The following COG5 variants were observed in gnomAD, a reference collection of about 807,000 sequenced individuals.
COG5 encodes the protein component of oligomeric golgi complex 5, also known as conserved oligomeric Golgi complex subunit 5.
In COG5, 86 loss-of-function variants were observed where a neutral mutation model predicts 110.4. The ratio of observed to expected loss-of-function variants is 0.78; its 90% confidence interval spans 0.65 to 0.93. The LOEUF is 0.93. Among genes scored for constraint, COG5 ranks in the 40% least tolerant of loss-of-function variants. The probability of loss-of-function intolerance (pLI) is 0.00; values close to 1 mark genes in which losing one functional copy is unlikely to be tolerated. For missense variants in COG5, 1,077 were observed against 987.0 expected (o/e 1.09, Z -1.22); for synonymous variants, 360 against 334.6 (o/e 1.08, Z -0.83).
intron 10 of COG5, among the ~76,000 whole-genome samples, chr7:107,344,270 A>G (rs1811412329): frequency 1.3e-5 from 2 of 152,224 alleles, no homozygotes; most frequent in Non-Finnish European, 2.9e-5. Context: ...TAGTTTCTAC[A>G]TTAGCACTTG....
intron 21 of COG5, chr7:107,208,181 T>G (rs992518796): frequency 2.0e-6 from 2 of 985,268 alleles, no homozygotes; most frequent in African/African-American, 3.5e-5. Context: ...TTTGAAACCC[T>G]GAAGGACAGC....
At chr7:107,228,262 G>A (rs796895356) in intron 19 of COG5, among the ~76,000 whole-genome samples, 32 of 141,152 alleles carry the variant, frequency 2.3e-4, no homozygotes, top group Admixed American at 6.8e-4. Flanking sequence ...GATGGAGATC[G>A]CACCACTGCA....
At chr7:107,473,910 A>C in intron 6 of COG5, 1 of 513,496 alleles carries the variant, frequency 1.9e-6, no homozygotes, top group Non-Finnish European at 3.4e-6. Context: ...ATTTTCTATT[A>C]ATAGTTTACA....
intron 7 of COG5, among the ~76,000 whole-genome samples, chr7:107,390,605 C>A (rs2129056486): frequency 6.6e-6 from 1 of 151,802 alleles, no homozygotes; most frequent in Middle Eastern, 3.4e-3. Context: ...ATTTTAGAAT[C>A]TGTTCACACT....
intron 14 of COG5, among the ~76,000 whole-genome samples, chr7:107,265,935 G>T (rs1432337443): frequency 6.6e-6 from 1 of 151,988 alleles, no homozygotes; most frequent in African/African-American, 2.4e-5. Flanking sequence ...CTTGCCTATG[G>T]TCCCAGGTCC....
chr7:107,259,905 TATA>T (rs1344978406), intron 14 of COG5, among the ~76,000 whole-genome samples: 1 of 151,944 alleles, frequency 6.6e-6, no homozygotes, highest in African/African-American at 2.4e-5. Flanking sequence ...AATAGGATGC[TATA>T]ATGAGGAAGA....
Position 107,367,464 on chromosome 7 carries a change from A to C in COG5, c.836-5044T>G, listed in dbSNP as rs76200608. Among the ~76,000 whole-genome samples, 1,234 of 152,098 alleles carry C rather than the reference A, an allele frequency of 8.1e-3. 16 individuals carry two copies. Among genetic ancestry groups the C allele is most frequent in the African/African-American group, 0.026 (1,069 of 41,510 alleles). ...GTAGTCATATATCAAAAAGACACCT[A>C]CATGTGTATGTATATCACAATGTAA... On this transcript the variant is annotated intron_variant, in intron 8 of 21. Coordinates refer to ENST00000297135, the MANE Select transcript of COG5 (RefSeq NM_006348.5).
At chr7:107,420,361 T>C (rs945235293) in intron 6 of COG5, among the ~76,000 whole-genome samples, 2 of 152,218 alleles carry the variant, frequency 1.3e-5, no homozygotes, top group African/African-American at 4.8e-5. Context: ...CATAATAGGG[T>C]ATTATTCTTT....
chr7:107,364,294 A>C (rs1338542807), intron 8 of COG5, among the ~76,000 whole-genome samples: 2 of 152,194 alleles, frequency 1.3e-5, no homozygotes, highest in Non-Finnish European at 2.9e-5. Context: ...ACAACAACAA[A>C]AAAGCCAGTG....
chr7:107,295,860 C>T (rs1412062301), intron 12 of COG5, among the ~76,000 whole-genome samples: 11 of 152,136 alleles, frequency 7.2e-5, no homozygotes, highest in African/African-American at 1.9e-4. Context: ...GGCACGATCT[C>T]GGCTCATTGC....
At chr7:107,511,950 G>A (rs1247414088) in intron 6 of COG5, among the ~76,000 whole-genome samples, 3 of 152,196 alleles carry the variant, frequency 2.0e-5, no homozygotes, top group Admixed American at 6.5e-5. Context: ...TACAGAATGG[G>A]CAAAAACTGG....
chr7:107,208,348 C>T (rs1433265637), intron 21 of COG5: 7 of 985,244 alleles, frequency 7.1e-6, no homozygotes, highest in Non-Finnish European at 6.0e-6. Context: ...ACTCAGGAGA[C>T]ATTTTTAAAG....
chr7:107,516,647 G>C (rs764732299), intron 6 of COG5, among the ~76,000 whole-genome samples: 10 of 152,184 alleles, frequency 6.6e-5, no homozygotes, highest in Non-Finnish European at 1.2e-4. Flanking sequence ...CCTCTGGGAC[G>C]AAGCTTCCAG....
chr7:107,398,443 G>A (rs192071958), intron 7 of COG5, among the ~76,000 whole-genome samples: 182 of 152,298 alleles, frequency 1.2e-3, no homozygotes, highest in Middle Eastern at 3.4e-3. Flanking sequence ...CAGCAGCAGC[G>A]TTCGATTCTC....
At chr7:107,475,939 C>A in intron 6 of COG5, among the ~76,000 whole-genome samples, 1 of 150,774 alleles carries the variant, frequency 6.6e-6, no homozygotes, top group Non-Finnish European at 1.5e-5. Flanking sequence ...TAGAATTTAT[C>A]AAAATTTTAA....
intron 6 of COG5, among the ~76,000 whole-genome samples, chr7:107,427,002 A>G (rs954496357): frequency 1.3e-5 from 2 of 152,220 alleles, no homozygotes; most frequent in Admixed American, 6.5e-5. Flanking sequence ...CCAGAAAAAT[A>G]TCCGAGTAAT....
In COG5 at chr7:107,240,792, A is replaced by G. The variant is rs575592089; in HGVS notation, c.1854-4105T>C. On this transcript the variant is annotated intron_variant, in intron 17 of 21. Transcript: ENST00000297135. ...AGAATTACTAATCACAAGATTCTAC[A>G]AAGTAGGAAAATTACTGCCATGGGG... 2.0e-5 allele frequency among the ~76,000 whole-genome samples: 3 copies of G among 152,324 alleles called. No homozygotes were observed. In the South Asian group the frequency reaches 6.2e-4, roughly 32 times the overall value.
chr7:107,499,711 T>C (rs1181402086), intron 6 of COG5, among the ~76,000 whole-genome samples: 3 of 152,118 alleles, frequency 2.0e-5, no homozygotes, highest in Non-Finnish European at 4.4e-5. Flanking sequence ...CCTGAAATTT[T>C]TAAAATGAGA....
chr7:107,550,743 T>C (rs1802823499), intron 3 of COG5, among the ~76,000 whole-genome samples: 1 of 152,206 alleles, frequency 6.6e-6, no homozygotes, highest in Admixed American at 6.5e-5. Flanking sequence ...TCTCACTCTA[T>C]TGCCCAGGCT....
Sources: allele counts gnomAD v4.1 joint callset (sites outside exome capture counted in the v4.1 genomes callset), GRCh38; gene constraint gnomAD v4.1.1; transcripts MANE v1.5; gene names NCBI Gene and HGNC (gene_info 2026-07-23, HGNC 2026-07-21).